The following PIR variants were observed in gnomAD, a reference collection of about 807,000 sequenced individuals.
PIR encodes pirin, also known as pirin (iron-binding nuclear protein).
PIR carries 22 observed loss-of-function variants against 24.2 expected under a neutral mutation model. That is an observed-to-expected ratio of 0.91 (90% CI 0.65 to 1.30). The LOEUF is 1.30. Among genes scored for constraint, PIR ranks in the 50% most tolerant of loss-of-function variants. PIR has a pLI of 0.00. For missense variants in PIR, 220 were observed against 220.3 expected (o/e 1.00, Z 0.01); for synonymous variants, 80 against 79.6 (o/e 1.00, Z -0.03).
intron 9 of PIR, among the ~76,000 whole-genome samples, chrX:15,385,616 T>C (rs1334108426): frequency 8.9e-6 from 1 of 112,247 alleles, no homozygotes; most frequent in Non-Finnish European, 1.9e-5. Flanking sequence ...CAGAAGATTA[T>C]AAAAATTTCA....
chrX:15,442,571 G>A (rs778963055), intron 5 of PIR, among the ~76,000 whole-genome samples: 1 of 112,329 alleles, frequency 8.9e-6, no homozygotes, highest in Non-Finnish European at 1.9e-5. Flanking sequence ...GCACCAGTTA[G>A]CCAAGTTGGG....
intron 5 of PIR, among the ~76,000 whole-genome samples, chrX:15,454,474 A>G (rs1266250709): frequency 1.7e-5 from 1 of 59,681 alleles, no homozygotes; most frequent in African/African-American, 5.3e-5. Flanking sequence ...GGGTACAGGT[A>G]AAAAAAAAAA....
At chrX:15,483,174 T>TATATATATATATATATATATATATAG (rs955424390) in intron 2 of PIR, among the ~76,000 whole-genome samples, 4,221 of 98,371 alleles carry the variant, frequency 0.043, 124 homozygotes, top group Non-Finnish European at 0.053. Flanking sequence ...CATATATATA[T>TATATATATATATATATATATATATAG]AAATTCAACA....
chrX:15,388,513 T>C (rs1048514538), intron 9 of PIR, among the ~76,000 whole-genome samples: 1 of 112,517 alleles, frequency 8.9e-6, no homozygotes, highest in African/African-American at 3.2e-5. Flanking sequence ...TAGGGTTGTT[T>C]TGAAGGTTAG....
rs897945871 is a variant in PIR, at chrX:15,464,554, T to C, written c.190-4814A>G. 6.7e-5 allele frequency: 23 copies of C among 343,190 alleles called. 1 individual carries two copies. Among genetic ancestry groups the C allele is most frequent in the African/African-American group, 6.3e-4 (22 of 35,139 alleles). The allele number at this position is 343,190 out of a possible 1,213,427, so 28.3% of individuals were successfully genotyped here. The stretch of plus-strand genomic sequence containing the variant: ...TAAGAATCAGAAGAGTAGCTCCATA[T>C]TACATGTAGGACAATGCAGCTCCGA... On this transcript the variant is annotated intron_variant, in intron 3 of 9. Transcript: ENST00000380420.
At chrX:15,422,891 G>C (rs149651839) in intron 6 of PIR, among the ~76,000 whole-genome samples, 6 of 111,806 alleles carry the variant, frequency 5.4e-5, no homozygotes, top group Non-Finnish European at 9.4e-5. Flanking sequence ...AACAAAGCTG[G>C]AGGCATCACA....
chrX:15,429,461 T>C (rs1925428117), intron 5 of PIR: 1 of 112,327 alleles, frequency 8.9e-6, no homozygotes, highest in Non-Finnish European at 1.9e-5. Flanking sequence ...ATTCTTTTCA[T>C]ATTGGGAACT....
chrX:15,481,041 A>T (rs1331541965), intron 2 of PIR, among the ~76,000 whole-genome samples: 1 of 112,788 alleles, frequency 8.9e-6, no homozygotes, highest in East Asian at 2.8e-4. Context: ...TGAGACAAAA[A>T]GGAAGAGCAT....
At chrX:15,407,418 A>T in intron 7 of PIR, 88 bp downstream of exon 7, 2 of 675,932 alleles carry the variant, frequency 3.0e-6, no homozygotes, top group Non-Finnish European at 4.9e-6. Flanking sequence ...GTATTCAATT[A>T]CATAAAATGG....
At chrX:15,418,140 A>G (rs1429673310) in intron 6 of PIR, among the ~76,000 whole-genome samples, 1 of 111,850 alleles carries the variant, frequency 8.9e-6, no homozygotes, top group Admixed American at 9.5e-5. Flanking sequence ...AGTTTTTTCC[A>G]TAACAGCTCT....
At chrX:15,465,371 G>A (rs1285646468) in intron 3 of PIR, among the ~76,000 whole-genome samples, 1 of 111,781 alleles carries the variant, frequency 8.9e-6, no homozygotes, top group African/African-American at 3.3e-5. Flanking sequence ...ATGCTAGACT[G>A]AGACTTTACA....
chrX:15,444,887 T>C (rs776786618), intron 5 of PIR, among the ~76,000 whole-genome samples: 1 of 111,579 alleles, frequency 9.0e-6, no homozygotes, highest in South Asian at 3.8e-4. Context: ...GGGGACTCAA[T>C]TGGCAGAAAA....
At chrX:15,472,195 A>T (rs1386102249) in intron 3 of PIR, among the ~76,000 whole-genome samples, 1 of 112,279 alleles carries the variant, frequency 8.9e-6, no homozygotes, top group East Asian at 2.8e-4. Context: ...GAAATTTTGA[A>T]AACATGAATT....
intron 2 of PIR, among the ~76,000 whole-genome samples, chrX:15,485,445 A>G (rs2147087114): frequency 9.0e-6 from 1 of 111,462 alleles, no homozygotes; most frequent in Non-Finnish European, 1.9e-5. Flanking sequence ...TCCTAATACC[A>G]TCATATTGAG....
rs1210146490 is a variant in PIR at position 15,462,672 on chromosome X, T to C, written c.190-2932A>G. 3.6e-5 allele frequency among the ~76,000 whole-genome samples: 4 copies of C among 112,538 alleles called. No homozygotes were observed. In the Admixed American group the frequency reaches 3.8e-4, roughly 11 times the overall value. On this transcript the variant is annotated intron_variant, in intron 3 of 9. Transcript: ENST00000380420. ...AAAAAGTAGACCTAAATAGTCTTTTTTCACATGAAAATTCAAAAATTTGTT... is the reference window on the plus strand; with the variant it reads ...AAAAAGTAGACCTAAATAGTCTTTTCTCACATGAAAATTCAAAAATTTGTT...
chrX:15,406,511 T>C lies in PIR; in HGVS notation c.610+995A>G, dbSNP rs761595861. Among the ~76,000 whole-genome samples the C allele has an allele frequency of 5.4e-5, 6 of 111,907 alleles. No homozygotes were observed. The South Asian group carries it at 2.2e-3, about 42-fold the overall frequency. On this transcript the variant is annotated intron_variant, in intron 7 of 9. Coordinates refer to ENST00000380420, the MANE Select transcript of PIR (RefSeq NM_001018109.3). The stretch of plus-strand genomic sequence containing the variant: ...GTGAGGTAGCTTCTGGGAATGTTAA[T>C]TCTCCAGTACTTTCATGCTGCCCTG...
At chrX:15,441,258 A>G (rs191130944) in intron 5 of PIR, among the ~76,000 whole-genome samples, 1 of 112,205 alleles carries the variant, frequency 8.9e-6, no homozygotes, top group Non-Finnish European at 1.9e-5. Context: ...AATGTGATTT[A>G]TAAGGGCAAG....
chrX:15,453,130 C>T (rs901445637), intron 5 of PIR, among the ~76,000 whole-genome samples: 1 of 111,555 alleles, frequency 9.0e-6, no homozygotes, highest in Non-Finnish European at 1.9e-5. Flanking sequence ...AGACCCACAA[C>T]GAAATCACCA....
chrX:15,451,044 T>C (rs751215857), intron 5 of PIR, among the ~76,000 whole-genome samples: 9 of 111,646 alleles, frequency 8.1e-5, no homozygotes, highest in African/African-American at 2.9e-4. Flanking sequence ...GGCTTGATTA[T>C]AAATTACTTG....
Sources: allele counts gnomAD v4.1 joint callset (sites outside exome capture counted in the v4.1 genomes callset), GRCh38; gene constraint gnomAD v4.1.1; transcripts MANE v1.5; gene names NCBI Gene and HGNC (gene_info 2026-07-23, HGNC 2026-07-21).